ADAM12: variants seen among roughly 807,000 people sequenced by gnomAD.
ADAM12 encodes the protein ADAM metallopeptidase domain 12.
ADAM12 carries 70 observed loss-of-function variants against 106.4 expected under a neutral mutation model. That is an observed-to-expected ratio of 0.66 (90% CI 0.54 to 0.80). The LOEUF (loss-of-function observed/expected upper bound fraction) is 0.80. ADAM12 is among the 30% of genes least tolerant of loss of function. The pLI, the probability that ADAM12 is intolerant of heterozygous loss-of-function variation, is 0.00. For missense variants in ADAM12, 1,010 were observed against 1,171.9 expected (o/e 0.86, Z 2.02); for synonymous variants, 420 against 433.5 (o/e 0.97, Z 0.39).
chr10:126,180,730 AC>A (rs1321216571), intron 3 of ADAM12, among the ~76,000 whole-genome samples: 1 of 152,206 alleles, frequency 6.6e-6, no homozygotes, highest in Admixed American at 6.5e-5. Flanking sequence ...CTCTTCAATT[AC>A]AAAACCTTAT....
chr10:126,144,787 G>C (rs1340502599), intron 4 of ADAM12, among the ~76,000 whole-genome samples: 1 of 152,184 alleles, frequency 6.6e-6, no homozygotes, highest in Non-Finnish European at 1.5e-5. Context: ...GGGAAGAACT[G>C]CTGTGAAATG....
At chr10:126,034,689 G>C (rs975048100) in intron 21 of ADAM12, among the ~76,000 whole-genome samples, 12 of 152,068 alleles carry the variant, frequency 7.9e-5, no homozygotes, top group African/African-American at 2.9e-4. Flanking sequence ...TAATTCCATA[G>C]GTATGTTAAA....
At chr10:126,383,897 T>A (rs996736356) in intron 1 of ADAM12, among the ~76,000 whole-genome samples, 2 of 152,204 alleles carry the variant, frequency 1.3e-5, no homozygotes, top group African/African-American at 4.8e-5. Context: ...AATATTTACT[T>A]TTCTAGTATT....
At chr10:126,164,756 C>T (rs2133749602) in intron 3 of ADAM12, among the ~76,000 whole-genome samples, 1 of 152,260 alleles carries the variant, frequency 6.6e-6, no homozygotes, top group Non-Finnish European at 1.5e-5. Flanking sequence ...CTCTGGTTTT[C>T]AGCAGAAACT....
At chr10:126,314,557 C>T (rs1228753452) in intron 2 of ADAM12, among the ~76,000 whole-genome samples, 1 of 152,120 alleles carries the variant, frequency 6.6e-6, no homozygotes, top group Non-Finnish European at 1.5e-5. Context: ...TCAAGAGATA[C>T]GACATGGACA....
intron 1 of ADAM12, among the ~76,000 whole-genome samples, chr10:126,334,487 C>T (rs1391370816): frequency 6.6e-6 from 1 of 152,126 alleles, no homozygotes; most frequent in African/African-American, 2.4e-5. Context: ...CAGTTATCTG[C>T]TGTGATCATC....
rs762784171 is a variant in ADAM12 at position 126,101,209 on chromosome 10, C to T, written c.774G>A (p.Leu258=). The T allele has an allele frequency of 1.2e-6, 2 of 1,614,050 alleles. No homozygotes were observed. Among genetic ancestry groups the T allele is most frequent in the East Asian group, 2.2e-5 (1 of 44,876 alleles). The part of the protein sequence containing the change: ...FYRPLNIRIV[L]VGVEVWNDMD... ...TGTCATTCCACACTTCCACGCCTAC[C>T]AACACGATCCGAATGTTCAGTGGTC... Residue 258 remains leucine, a synonymous_variant, in exon 9 of 23, where the codon TTG becomes TTA. Coordinates refer to ENST00000448723, the MANE Select transcript of ADAM12 (RefSeq NM_001288973.2).
intron 18 of ADAM12, chr10:126,041,749 G>A (rs1954175957): frequency 2.9e-6 from 3 of 1,047,260 alleles, no homozygotes; most frequent in South Asian, 8.3e-5. Context: ...CTGGGGAAAG[G>A]GGACACTGGG....
intron 1 of ADAM12, among the ~76,000 whole-genome samples, chr10:126,356,815 G>T (rs1462583198): frequency 1.3e-5 from 2 of 152,016 alleles, no homozygotes; most frequent in Admixed American, 6.5e-5. Flanking sequence ...AAACACTAGA[G>T]ATAAAGAATA....
In ADAM12 at chr10:126,094,626, T is replaced by C. The variant is rs188468282; in HGVS notation, c.997-493A>G. Among the ~76,000 whole-genome samples the C allele has an allele frequency of 1.7e-3, 266 of 152,364 alleles. 1 individual carries two copies. The highest frequency in any genetic ancestry group is 6.2e-3 in the African/African-American group (258 of 41,584). ...CTGAGAGGTTGTCATTGAGCCTGCC[T>C]CTTCCTGTGTGCTTGGTCGGGGAGG... On this transcript the variant is annotated intron_variant, in intron 10 of 22. Transcript: ENST00000448723.
At chr10:126,313,935 A>C (rs1192752602) in intron 2 of ADAM12, among the ~76,000 whole-genome samples, 1 of 152,018 alleles carries the variant, frequency 6.6e-6, no homozygotes, top group Non-Finnish European at 1.5e-5. Flanking sequence ...GAGGGAAGGA[A>C]GACTTCCCTA....
chr10:126,337,839 T>C (rs1223515174), intron 1 of ADAM12, among the ~76,000 whole-genome samples: 1 of 152,230 alleles, frequency 6.6e-6, no homozygotes, highest in East Asian at 1.9e-4. Flanking sequence ...GCTGGGGCTA[T>C]GAATTCATTA....
intron 11 of ADAM12, among the ~76,000 whole-genome samples, chr10:126,092,729 C>G (rs904324823): frequency 7.9e-5 from 12 of 152,192 alleles, no homozygotes; most frequent in Admixed American, 7.2e-4. Context: ...AAAGATGCCC[C>G]TGAAGCCTCT....
At chr10:126,089,351 G>T (rs1369739285) in intron 11 of ADAM12, among the ~76,000 whole-genome samples, 1 of 152,142 alleles carries the variant, frequency 6.6e-6, no homozygotes, top group Non-Finnish European at 1.5e-5. Flanking sequence ...GTGGCGTGAT[G>T]AGCACCGAGT....
At chr10:126,368,356 GT>G (rs34317249) in intron 1 of ADAM12, among the ~76,000 whole-genome samples, 61,961 of 118,384 alleles carry the variant, frequency 0.52, 13,969 homozygotes, top group Middle Eastern at 0.6. Flanking sequence ...TGTGTGATTT[GT>G]TTTTTTTTTT....
At chr10:126,190,321 C>T (rs1957476669) in intron 3 of ADAM12, among the ~76,000 whole-genome samples, 1 of 152,042 alleles carries the variant, frequency 6.6e-6, no homozygotes, top group South Asian at 2.1e-4. Flanking sequence ...CCGCCTCTGG[C>T]TCCTGAGTAG....
Position 126,220,327 on chromosome 10 carries a change from G to A in ADAM12, c.260+58588C>T, listed in dbSNP as rs1034261602. Among the ~76,000 whole-genome samples the A allele has an allele frequency of 2.8e-4, 42 of 152,202 alleles. 1 individual carries two copies. On this transcript the variant is annotated intron_variant, in intron 3 of 22. Coordinates refer to ENST00000448723, the MANE Select transcript of ADAM12 (RefSeq NM_001288973.2). The stretch of plus-strand genomic sequence containing the variant: ...GTAGGTGCTGATACTACAGTCCTGT[G>A]TATAGCTGGGAAACAGAGGTCAGGG...
At chr10:126,313,937 A>C (rs1961231111) in intron 2 of ADAM12, among the ~76,000 whole-genome samples, 1 of 151,882 alleles carries the variant, frequency 6.6e-6, no homozygotes, top group South Asian at 2.1e-4. Context: ...GGGAAGGAAG[A>C]CTTCCCTAAG....
intron 1 of ADAM12, among the ~76,000 whole-genome samples, chr10:126,343,751 G>T (rs991191844): frequency 1.3e-5 from 2 of 152,128 alleles, no homozygotes; most frequent in African/African-American, 4.8e-5. Context: ...TCTCATTGTG[G>T]TTTTGATTTG....
Sources: allele counts gnomAD v4.1 joint callset (sites outside exome capture counted in the v4.1 genomes callset), GRCh38; gene constraint gnomAD v4.1.1; transcripts MANE v1.5; gene names NCBI Gene and HGNC (gene_info 2026-07-23, HGNC 2026-07-21).